The following GMEB1 variants were observed in gnomAD, a reference collection of about 807,000 sequenced individuals.
The protein encoded by GMEB1 is glucocorticoid modulatory element-binding protein 1.
A neutral mutation model predicts 52.4 loss-of-function variants in GMEB1; 6 were observed. That is an observed-to-expected ratio of 0.11 (90% confidence interval 0.06 to 0.23). The LOEUF (loss-of-function observed/expected upper bound fraction) is 0.23, where lower values mean the gene tolerates loss of function less well. Ranked by LOEUF, GMEB1 falls within the 10% of genes least tolerant of loss-of-function variation. The pLI, the probability that GMEB1 is intolerant of heterozygous loss-of-function variation, is 1.00. For synonymous variants in GMEB1, 255 were observed against 244.9 expected, an observed-to-expected ratio of 1.04 and a Z score of -0.38; for missense variants, 486 against 685.6, an observed-to-expected ratio of 0.71 and a Z score of 3.25.
At chr1:28,670,179 T>G (rs953045667) in intron 1 of GMEB1, among the ~76,000 whole-genome samples, 3 of 152,204 alleles carry the variant, frequency 2.0e-5, no homozygotes, top group Admixed American at 6.5e-5. Context: ...ATTTATTTGT[T>G]TTTTGAGACG....
Position 28,713,970 on chromosome 1 carries a change from T to C in GMEB1, c.992-103T>C, listed in dbSNP as rs984794178. On this transcript the variant is annotated intron_variant, in intron 9 of 9. Transcript: ENST00000373816. ...AATGTCACAACTTGCCTGAAGCTACTTAGTAACAAAACCAGACAGAGACAC... is the reference window on the plus strand; with the variant it reads ...AATGTCACAACTTGCCTGAAGCTACCTAGTAACAAAACCAGACAGAGACAC... 3.7e-6 allele frequency: 3 copies of C among 817,814 alleles called. No homozygotes were observed. In the South Asian group the frequency reaches 5.0e-5, roughly 14 times the overall value. 50.7% of individuals were successfully genotyped at this position (817,814 alleles called of 1,614,324 possible). A position where few individuals can be genotyped will look rare whatever the true frequency, so the allele number is the denominator to read the frequency against.
rs868296369 is a variant in GMEB1, at chr1:28,697,197, A to G, written c.598+113A>G. 10 of 179,716 alleles carry G rather than the reference A, an allele frequency of 5.6e-5. 1 individual carries two copies. The highest frequency in any genetic ancestry group is 1.1e-4 in the Non-Finnish European group (10 of 91,948). 11.1% of individuals were successfully genotyped at this position (179,716 alleles called of 1,614,324 possible). ...TATATATATATATATATATATATAT[A>G]TATGTATTTTTTTATTTTAATTTTT... On this transcript the variant is annotated intron_variant, in intron 6 of 9. Coordinates refer to ENST00000373816, the MANE Select transcript of GMEB1 (RefSeq NM_001319674.2).
At chr1:28,697,773 C>T (rs1670293031) in intron 6 of GMEB1, among the ~76,000 whole-genome samples, 1 of 152,154 alleles carries the variant, frequency 6.6e-6, no homozygotes, top group African/African-American at 2.4e-5. Context: ...TTGAAAAATG[C>T]TCTGCAGGCT....
At chr1:28,707,759 A>G (rs976085415) in intron 8 of GMEB1, among the ~76,000 whole-genome samples, 1 of 152,150 alleles carries the variant, frequency 6.6e-6, no homozygotes, top group Non-Finnish European at 1.5e-5. Context: ...TACAGGAAAG[A>G]GGTCAGGGCT....
intron 1 of GMEB1, among the ~76,000 whole-genome samples, chr1:28,681,776 C>T (rs1253534777): frequency 6.6e-6 from 1 of 152,052 alleles, no homozygotes; most frequent in African/African-American, 2.4e-5. Context: ...GATCTCGGCT[C>T]ACCGCAATCT....
rs372465241 is a variant in GMEB1, at chr1:28,693,704, G to A, written c.440+659G>A. ...CTGACCTCGTGATCCACCCACCTCC[G>A]CTTCCCAAAGTGCTAGGATTACAGG... On this transcript the variant is annotated intron_variant, in intron 5 of 9. Transcript: ENST00000373816. Among the ~76,000 whole-genome samples the A allele has an allele frequency of 1.3e-4, 20 of 151,984 alleles. 1 individual carries two copies. The highest frequency in any genetic ancestry group is 1.2e-3 in the Admixed American group (18 of 15,238).
rs1242840628 is a variant in GMEB1 at position 28,687,387 on chromosome 1, CAA to C, written c.129-2711_129-2710del. 1.1e-3 allele frequency among the ~76,000 whole-genome samples: 46 copies of C among 41,130 alleles called. 7 individuals carry two copies. Among genetic ancestry groups the C allele is most frequent in the African/African-American group, 3.9e-3 (41 of 10,458 alleles). The allele number at this position is 41,130 out of a possible 152,430, so 27.0% of individuals were successfully genotyped here. On this transcript the variant is annotated intron_variant, in intron 2 of 9. Coordinates refer to ENST00000373816, the MANE Select transcript of GMEB1 (RefSeq NM_001319674.2). ...ACACACACACACACACACACACACA[CAA>C]AAAAAGACAGTGGAGAATAATGTTC...
intron 6 of GMEB1, among the ~76,000 whole-genome samples, chr1:28,700,729 G>A (rs1228605752): frequency 1.3e-5 from 2 of 151,698 alleles, no homozygotes; most frequent in Non-Finnish European, 2.9e-5. Context: ...AATATTCTGT[G>A]TGTATCCAGT....
intron 5 of GMEB1, among the ~76,000 whole-genome samples, chr1:28,696,385 T>C (rs567979047): frequency 2.0e-5 from 3 of 152,248 alleles, no homozygotes; most frequent in African/African-American, 4.8e-5. Context: ...CCTTTAACTT[T>C]GAGTTTTGTT....
chr1:28,688,713 C>G (rs1048505377), intron 2 of GMEB1, among the ~76,000 whole-genome samples: 10 of 151,824 alleles, frequency 6.6e-5, no homozygotes, highest in African/African-American at 2.4e-4. Flanking sequence ...AACACCCCCC[C>G]ACCACCCACC....
At chr1:28,712,980 GTC>G (rs1671128876) in intron 9 of GMEB1, among the ~76,000 whole-genome samples, 1 of 138,272 alleles carries the variant, frequency 7.2e-6, no homozygotes, top group South Asian at 2.4e-4. Flanking sequence ...GTGAAACCCT[GTC>G]TCTACTAAAA....
intron 1 of GMEB1, among the ~76,000 whole-genome samples, chr1:28,676,737 ATAAAT>A (rs1557495965): frequency 6.6e-6 from 1 of 151,590 alleles, no homozygotes; most frequent in African/African-American, 2.4e-5. Context: ...AAAAAAATAA[ATAAAT>A]AAATAAATAC....
In GMEB1 at chr1:28,716,168, C is replaced by G. The variant is rs1440340696; in HGVS notation, c.*1395C>G. 1 of 152,206 alleles carries G rather than the reference C, an allele frequency of 6.6e-6. No homozygotes were observed. The highest frequency in any genetic ancestry group is 2.4e-5 in the African/African-American group (1 of 41,432). The allele number at this position is 152,206 out of a possible 1,614,324, so 9.4% of individuals were successfully genotyped here. On this transcript the variant is annotated 3_prime_UTR_variant, in exon 10 of 10. Coordinates refer to ENST00000373816, the MANE Select transcript of GMEB1 (RefSeq NM_001319674.2). ...TTTGGGGTTCAAGGTAATAGCTTAC[C>G]TTGTTCCACACTTTGTCAAAGCACT... is the stretch of plus-strand genomic sequence containing the variant.
intron 1 of GMEB1, among the ~76,000 whole-genome samples, chr1:28,681,707 T>A (rs1322065481): frequency 8.6e-5 from 13 of 151,372 alleles, no homozygotes; most frequent in Non-Finnish European, 1.3e-4. Flanking sequence ...CTGACTACAC[T>A]TTTTTTTTCT....
rs35312015 is a variant in GMEB1, at chr1:28,715,443, G to GA, written c.*679dup. The GA allele has an allele frequency of 2.7e-5, 4 of 148,182 alleles. No individual in the cohort carries two copies. Among genetic ancestry groups the GA allele is most frequent in the South Asian group, 4.3e-4 (2 of 4,634 alleles). The allele number at this position is 148,182 out of a possible 1,614,324, so 9.2% of individuals were successfully genotyped here. The stretch of plus-strand genomic sequence containing the variant: ...GAAACCCCGTATCTACTAAAAATAC[G>GA]AAAAAAAAATTAGCCGGGTGTGGTG... On this transcript the variant is annotated 3_prime_UTR_variant, in exon 10 of 10. Coordinates refer to ENST00000373816, the MANE Select transcript of GMEB1 (RefSeq NM_001319674.2).
intron 1 of GMEB1, among the ~76,000 whole-genome samples, chr1:28,680,824 A>G (rs1669357487): frequency 6.6e-6 from 1 of 152,032 alleles, no homozygotes; most frequent in African/African-American, 2.4e-5. Context: ...TGGGCAGATC[A>G]CCTGAGGTTG....
At chr1:28,704,359 G>GT in intron 8 of GMEB1, 30 bp downstream of exon 8, 1 of 1,592,106 alleles carries the variant, frequency 6.3e-7, no homozygotes, top group Non-Finnish European at 8.6e-7. Context: ...CAGTAGCAGT[G>GT]ATTTATTGAA....
Position 28,718,814 on chromosome 1 carries a change from C to T in GMEB1, c.*4041C>T, listed in dbSNP as rs1339493569. The T allele has an allele frequency of 6.6e-6, 1 of 152,120 alleles. No homozygotes were observed. The highest frequency in any genetic ancestry group is 1.5e-5 in the Non-Finnish European group (1 of 68,032). 9.4% of individuals were successfully genotyped at this position (152,120 alleles called of 1,614,324 possible). ...GGCTATTGGCTAGGAGCTGAGAGAA[C>T]AAAGCATGAAGTGCCTAACCCAGCT... On this transcript the variant is annotated 3_prime_UTR_variant, in exon 10 of 10. Coordinates refer to ENST00000373816, the MANE Select transcript of GMEB1 (RefSeq NM_001319674.2).
intron 1 of GMEB1, among the ~76,000 whole-genome samples, chr1:28,672,060 C>G (rs1048341947): frequency 2.0e-5 from 3 of 150,200 alleles, no homozygotes; most frequent in Admixed American, 2.0e-4. Flanking sequence ...TGCAGTGAGC[C>G]GAGACCGTGC....
Sources: allele counts gnomAD v4.1 joint callset (sites outside exome capture counted in the v4.1 genomes callset), GRCh38; gene constraint gnomAD v4.1.1; transcripts MANE v1.5; gene names NCBI Gene and HGNC (gene_info 2026-07-23, HGNC 2026-07-21).